The following CPNE8 variants were observed in gnomAD, a reference collection of about 807,000 sequenced individuals.
The protein encoded by CPNE8 is copine 8.
In CPNE8, 45 loss-of-function variants were observed where a neutral mutation model predicts 81.5. That is an observed-to-expected ratio of 0.55 (90% CI 0.44 to 0.71). The LOEUF is 0.71. Among genes scored for constraint, CPNE8 ranks in the 30% least tolerant of loss-of-function variants. The pLI is 0.00. For synonymous variants in CPNE8, 252 were observed against 226.3 expected (o/e 1.11, Z -1.02); for missense variants, 594 against 672.1 (o/e 0.88, Z 1.28).
chr12:38,772,793 G>T (rs971555104), intron 7 of CPNE8, among the ~76,000 whole-genome samples: 1 of 152,072 alleles, frequency 6.6e-6, no homozygotes. Flanking sequence ...ACTGAAATCA[G>T]TATCTTGAAG....
At chr12:38,836,199 G>C (rs966235801) in intron 5 of CPNE8, among the ~76,000 whole-genome samples, 3 of 152,012 alleles carry the variant, frequency 2.0e-5, no homozygotes, top group Non-Finnish European at 4.4e-5. Context: ...ACAGTATAGG[G>C]AAAAATATCT....
chr12:38,834,231 C>CTTGA (rs1260633451), intron 5 of CPNE8, among the ~76,000 whole-genome samples: 1 of 152,176 alleles, frequency 6.6e-6, no homozygotes, highest in Non-Finnish European at 1.5e-5. Flanking sequence ...TGAGTTCCAA[C>CTTGA]TTGATTGGCT....
intron 10 of CPNE8, among the ~76,000 whole-genome samples, chr12:38,748,017 TA>T (rs1000504889): frequency 9.9e-5 from 15 of 152,158 alleles, no homozygotes; most frequent in South Asian, 4.1e-4. Context: ...TTTATTTATT[TA>T]TTTTTTTTAT....
chr12:38,693,757 C>A lies in CPNE8; in HGVS notation c.1043G>T (p.Gly348Val). The part of the protein sequence containing the change: ...NAYGMALKAV[G>V]EIVQDYDSDK... ...ACTGTCATAATCTTGAACAATTTCT[C>A]CCACTGCTTTTAGTGCCATACCATA... Residue 348 changes from glycine (G) to valine (V), a missense_variant, in exon 15 of 20, where the codon GGA becomes GTA. Transcript: ENST00000331366. The A allele has an allele frequency of 6.2e-7, 1 of 1,613,518 alleles. No individual in the cohort carries two copies. The highest frequency in any genetic ancestry group is 8.5e-7 in the Non-Finnish European group (1 of 1,179,664).
chr12:38,743,667 G>C (rs1273885793), intron 10 of CPNE8, among the ~76,000 whole-genome samples: 1 of 152,062 alleles, frequency 6.6e-6, no homozygotes, highest in Non-Finnish European at 1.5e-5. Flanking sequence ...CTGGAACTAA[G>C]AATGTCACAG....
intron 8 of CPNE8, among the ~76,000 whole-genome samples, chr12:38,763,143 C>T (rs1235125383): frequency 6.6e-6 from 1 of 152,210 alleles, no homozygotes; most frequent in East Asian, 1.9e-4. Context: ...AGGCGTGAGC[C>T]ACTGTGCCCA....
rs147633151 is a variant in CPNE8 at position 38,719,080 on chromosome 12, T to G, written c.914+4692A>C. Among the ~76,000 whole-genome samples the G allele has an allele frequency of 4.9e-4, 74 of 152,010 alleles. No homozygotes were observed. In the East Asian group the frequency reaches 0.012, roughly 26 times the overall value. On this transcript the variant is annotated intron_variant, in intron 13 of 19. Coordinates refer to ENST00000331366, the MANE Select transcript of CPNE8 (RefSeq NM_153634.3). ...TTCTGTAAAAATGCAAACAATGATT[T>G]CAGAGTGAAGAAAAAATAAATAAGA... is the stretch of plus-strand genomic sequence containing the variant.
chr12:38,844,001 G>T (rs753683464), intron 4 of CPNE8, among the ~76,000 whole-genome samples: 8 of 152,270 alleles, frequency 5.3e-5, no homozygotes, highest in Non-Finnish European at 8.8e-5. Context: ...ATTAGACTTC[G>T]ACATTGTTAA....
At chr12:38,727,066 G>T (rs826872) in intron 11 of CPNE8, among the ~76,000 whole-genome samples, 2 of 151,980 alleles carry the variant, frequency 1.3e-5, no homozygotes, top group African/African-American at 2.4e-5. Flanking sequence ...ATAGAGTAAG[G>T]CCCTCTGCAA....
At chr12:38,791,909 A>G (rs1264656355) in intron 6 of CPNE8, among the ~76,000 whole-genome samples, 2 of 151,632 alleles carry the variant, frequency 1.3e-5, no homozygotes, top group Non-Finnish European at 3.0e-5. Context: ...ATGGAATGAA[A>G]TTTAAAATCA....
chr12:38,724,855 A>T lies in CPNE8; in HGVS notation c.843T>A (p.Asn281Lys). ...ATAAAATTTGACTTACTGTTCCAGA[A>T]TTAGTATATTTTTTCTTTTTTCCTT... ...KKKGKKKKYTNSGTVTLLSFL... is the reference protein window; with the variant it reads ...KKKGKKKKYTKSGTVTLLSFL... The change falls in exon 12 of 20, where the codon AAT becomes AAA. Residue 281 changes from asparagine to lysine, a missense_variant. Physicochemically the swap from Asn to Lys is moderately conservative, Grantham distance 94. Coordinates refer to ENST00000331366, the MANE Select transcript of CPNE8 (RefSeq NM_153634.3). 1 of 1,477,660 alleles carries T rather than the reference A, an allele frequency of 6.8e-7. No homozygotes were observed. Among genetic ancestry groups the T allele is most frequent in the Non-Finnish European group, 9.4e-7 (1 of 1,065,306 alleles). The allele number at this position is 1,477,660 out of a possible 1,614,324, so 91.5% of individuals were successfully genotyped here.
chr12:38,825,124 C>T (rs769738070), intron 6 of CPNE8, among the ~76,000 whole-genome samples: 27 of 152,120 alleles, frequency 1.8e-4, no homozygotes, highest in Non-Finnish European at 3.4e-4. Context: ...TCGGCTATTT[C>T]GGTCATGCAT....
At chr12:38,657,442 T>A (rs2630777) in intron 19 of CPNE8, among the ~76,000 whole-genome samples, 1 of 152,168 alleles carries the variant, frequency 6.6e-6, no homozygotes, top group East Asian at 1.9e-4. Flanking sequence ...GCCACCTCTG[T>A]GGGTAGGGCA....
At chr12:38,742,115 G>A (rs1941120932) in intron 10 of CPNE8, among the ~76,000 whole-genome samples, 1 of 152,138 alleles carries the variant, frequency 6.6e-6, no homozygotes, top group Non-Finnish European at 1.5e-5. Flanking sequence ...AATCAGTGTG[G>A]CGATTCCTTA....
chr12:38,843,014 T>C (rs1444586091), intron 4 of CPNE8, among the ~76,000 whole-genome samples: 1 of 152,248 alleles, frequency 6.6e-6, no homozygotes, highest in African/African-American at 2.4e-5. Flanking sequence ...CGTGTACCTG[T>C]GTATCTGTTT....
chr12:38,795,950 A>G (rs534020804), intron 6 of CPNE8, among the ~76,000 whole-genome samples: 1 of 152,066 alleles, frequency 6.6e-6, no homozygotes, highest in African/African-American at 2.4e-5. Context: ...AGAATACAAG[A>G]CTGTGTAACA....
intron 19 of CPNE8, 96 bp downstream of exon 19, chr12:38,670,633 A>T (rs886438226): frequency 2.6e-6 from 2 of 759,288 alleles, no homozygotes; most frequent in Non-Finnish European, 4.3e-6. Context: ...GAAAAGCATC[A>T]TTAAAAAGTC....
intron 3 of CPNE8, among the ~76,000 whole-genome samples, chr12:38,863,358 G>A (rs1033245249): frequency 6.6e-6 from 1 of 152,170 alleles, no homozygotes; most frequent in Non-Finnish European, 1.5e-5. Context: ...GAAATGTCCA[G>A]ACTCAGAATG....
At chr12:38,762,567 G>A (rs990419197) in intron 8 of CPNE8, among the ~76,000 whole-genome samples, 1 of 152,166 alleles carries the variant, frequency 6.6e-6, no homozygotes, top group Non-Finnish European at 1.5e-5. Context: ...AGCTTTGTTG[G>A]AGTGTTGAGA....
Sources: allele counts gnomAD v4.1 joint callset (sites outside exome capture counted in the v4.1 genomes callset), GRCh38; gene constraint gnomAD v4.1.1; transcripts MANE v1.5; gene names NCBI Gene and HGNC (gene_info 2026-07-23, HGNC 2026-07-21).